Variants in THRB observed in about 807,000 individuals in gnomAD.
The protein encoded by THRB is thyroid hormone receptor beta.
A neutral mutation model predicts 47.8 loss-of-function variants in THRB; 12 were observed. That is an observed-to-expected ratio of 0.25 (90% CI 0.16 to 0.41). The LOEUF (loss-of-function observed/expected upper bound fraction) is 0.41, where lower values mean the gene tolerates loss of function less well. Among genes scored for constraint, THRB ranks in the 10% least tolerant of loss-of-function variants. The pLI is 1.00. For synonymous variants in THRB, 218 were observed against 212.2 expected (o/e 1.03, Z -0.24); for missense variants, 348 against 589.2 (o/e 0.59, Z 4.24).
chr3:24,135,966 A>G (rs1240685265), intron 8 of THRB, among the ~76,000 whole-genome samples: 2 of 151,630 alleles, frequency 1.3e-5, no homozygotes, highest in South Asian at 2.1e-4. Context: ...CTGAATCTAA[A>G]CATCTCTCAA....
chr3:24,488,773 T>C (rs988627941), intron 1 of THRB, among the ~76,000 whole-genome samples: 4 of 152,230 alleles, frequency 2.6e-5, no homozygotes, highest in African/African-American at 7.2e-5. Context: ...ATAGCTTTAA[T>C]AGACAGAAGG....
rs766622559 is a variant in THRB, at chr3:24,152,415, C to T, written c.359G>A (p.Arg120His). 6 of 1,612,442 alleles carry T rather than the reference C, an allele frequency of 3.7e-6. No homozygotes were observed. Among genetic ancestry groups the T allele is most frequent in the Non-Finnish European group, 5.1e-6 (6 of 1,178,758 alleles). Residue 120 changes from arginine to histidine, a missense_variant, in exon 6 of 11, where the codon CGC becomes CAC. Arg to His is a conservative substitution (Grantham distance 29). This residue lies in a region of THRB where 112 missense variants were observed against 212.3 expected (regional missense o/e 0.53). Coordinates refer to ENST00000646209, the MANE Select transcript of THRB (RefSeq NM_001354712.2). Reference sequence around the variant, plus strand: ...CTTGCAGCCTTCACACGTGATACAGCGGTAGTGATACCCGGTGGCTTTGTC... The same window carrying T: ...CTTGCAGCCTTCACACGTGATACAGTGGTAGTGATACCCGGTGGCTTTGTC... ...CGDKATGYHY[R>H]CITCEGCKGF...
Position 24,117,491 on chromosome 3 carries a change from A to G in THRB, c.*5393T>C, listed in dbSNP as rs1029856174. Reference sequence around the variant, plus strand: ...CCTCACCACAGTGATTGGCTCAGGAATGGGCACATGACTGAACTTGGGCCA... The same window carrying G: ...CCTCACCACAGTGATTGGCTCAGGAGTGGGCACATGACTGAACTTGGGCCA... On this transcript the variant is annotated 3_prime_UTR_variant, in exon 11 of 11. Coordinates refer to ENST00000646209, the MANE Select transcript of THRB (RefSeq NM_001354712.2). 6.6e-6 allele frequency: 1 copy of G among 152,244 alleles called. No individual in the cohort carries two copies. Among genetic ancestry groups the G allele is most frequent in the African/African-American group, 2.4e-5 (1 of 41,466 alleles). The allele number at this position is 152,244 out of a possible 1,614,324, so 9.4% of individuals were successfully genotyped here.
At chr3:24,133,608 T>C (rs2034194536) in intron 8 of THRB, 146 bp from the exon 9 acceptor site, 5 of 787,106 alleles carry the variant, frequency 6.4e-6, no homozygotes, top group Non-Finnish European at 1.1e-5. Flanking sequence ...AACTGTACAG[T>C]TTACACATCT....
chr3:24,164,962 A>C, intron 5 of THRB: 1 of 667,774 alleles, frequency 1.5e-6, no homozygotes, highest in Admixed American at 2.3e-5. Flanking sequence ...TGTAAACTGT[A>C]ACTTTAAAAT....
chr3:24,305,989 T>C (rs1262475908), intron 2 of THRB, among the ~76,000 whole-genome samples: 1 of 152,192 alleles, frequency 6.6e-6, no homozygotes. Flanking sequence ...TTTCTTCCAA[T>C]AGATAACAAA....
At chr3:24,295,533 G>C (rs145784492) in intron 3 of THRB, among the ~76,000 whole-genome samples, 17 of 152,308 alleles carry the variant, frequency 1.1e-4, no homozygotes, top group African/African-American at 3.8e-4. Context: ...CAGAAGTTAA[G>C]TTTTCCACTT....
chr3:24,369,547 C>T (rs753844852), intron 1 of THRB, among the ~76,000 whole-genome samples: 38 of 152,020 alleles, frequency 2.5e-4, no homozygotes, highest in African/African-American at 6.5e-4. Context: ...AGACGGCATA[C>T]GATAGAAGTC....
chr3:24,294,015 G>C (rs1244801780), intron 3 of THRB, among the ~76,000 whole-genome samples: 1 of 152,216 alleles, frequency 6.6e-6, no homozygotes, highest in African/African-American at 2.4e-5. Context: ...TTCATCAAGA[G>C]AAGTGGACTC....
chr3:24,449,862 G>C (rs1331456684), intron 1 of THRB, among the ~76,000 whole-genome samples: 1 of 152,162 alleles, frequency 6.6e-6, no homozygotes, highest in Admixed American at 6.5e-5. Context: ...ATACTAACTT[G>C]GCTCTTAAGT....
chr3:24,337,737 G>A (rs961439222), intron 1 of THRB, among the ~76,000 whole-genome samples: 29 of 152,190 alleles, frequency 1.9e-4, no homozygotes, highest in African/African-American at 6.0e-4. Flanking sequence ...GCCACTGTGC[G>A]TTAAAGGGAA....
At chr3:24,365,894 T>C (rs1034466001) in intron 1 of THRB, among the ~76,000 whole-genome samples, 1 of 152,136 alleles carries the variant, frequency 6.6e-6, no homozygotes, top group Non-Finnish European at 1.5e-5. Context: ...CAATCTATTG[T>C]CAAAGCAATG....
chr3:24,403,082 G>A (rs1054170015), intron 1 of THRB, among the ~76,000 whole-genome samples: 1 of 151,936 alleles, frequency 6.6e-6, no homozygotes, highest in Non-Finnish European at 1.5e-5. Context: ...AAAAATATAT[G>A]AGCTAGATCT....
At chr3:24,439,604 C>T (rs929692006) in intron 1 of THRB, among the ~76,000 whole-genome samples, 1 of 152,206 alleles carries the variant, frequency 6.6e-6, no homozygotes, top group African/African-American at 2.4e-5. Context: ...CTGTTTTCCT[C>T]CATCCAAATT....
chr3:24,278,053 G>C (rs987649111), intron 3 of THRB, among the ~76,000 whole-genome samples: 1 of 152,144 alleles, frequency 6.6e-6, no homozygotes, highest in Non-Finnish European at 1.5e-5. Context: ...TGAAGGGCTT[G>C]GGGATTTAAG....
chr3:24,180,015 G>A (rs2596618), intron 5 of THRB, among the ~76,000 whole-genome samples: 21,997 of 152,176 alleles, frequency 0.14, 1,864 homozygotes, highest in Admixed American at 0.26. Context: ...TGAACCCATT[G>A]CAGATACCTG....
At chr3:24,269,383 T>TCA (rs1245058686) in intron 3 of THRB, among the ~76,000 whole-genome samples, 9 of 103,794 alleles carry the variant, frequency 8.7e-5, no homozygotes, top group African/African-American at 3.4e-4. Flanking sequence ...TCATCATAGC[T>TCA]CACACGCGCG....
chr3:24,308,954 T>C (rs2057551526), intron 2 of THRB, among the ~76,000 whole-genome samples: 2 of 152,126 alleles, frequency 1.3e-5, no homozygotes, highest in Admixed American at 6.6e-5. Flanking sequence ...TAAACTGCCA[T>C]ACCCATGCTA....
At chr3:24,298,353 C>G (rs1260036549) in intron 2 of THRB, among the ~76,000 whole-genome samples, 1 of 152,198 alleles carries the variant, frequency 6.6e-6, no homozygotes, top group Non-Finnish European at 1.5e-5. Flanking sequence ...AACCACAAAC[C>G]TGATTCTAAC....
Sources: allele counts gnomAD v4.1 joint callset (sites outside exome capture counted in the v4.1 genomes callset), GRCh38; gene constraint gnomAD v4.1.1; regional missense constraint gnomAD v4.1.1; transcripts MANE v1.5; gene names NCBI Gene and HGNC (gene_info 2026-07-23, HGNC 2026-07-21).